Variants in CRYL1 observed in about 807,000 individuals in gnomAD.
The protein encoded by CRYL1 is lambda-crystallin homolog.
CRYL1 carries 29 observed loss-of-function variants against 36.6 expected under a neutral mutation model. The ratio of observed to expected loss-of-function variants is 0.79; its 90% CI spans 0.59 to 1.08. The LOEUF (loss-of-function observed/expected upper bound fraction) is 1.08, where lower values mean the gene tolerates loss of function less well. Among genes scored for constraint, CRYL1 ranks in the 50% least tolerant of loss-of-function variants. The probability of loss-of-function intolerance (pLI) is 0.00; values close to 1 mark genes in which losing one functional copy is unlikely to be tolerated. For synonymous variants in CRYL1, 152 were observed against 151.5 expected, an observed-to-expected ratio of 1.00 and a Z score of -0.02; for missense variants, 411 against 407.9, an observed-to-expected ratio of 1.01 and a Z score of -0.06.
intron 6 of CRYL1, among the ~76,000 whole-genome samples, chr13:20,409,663 A>C (rs2031469299): frequency 6.6e-6 from 1 of 152,092 alleles, no homozygotes; most frequent in South Asian, 2.1e-4. Context: ...CAGAATCTAC[A>C]ATGAACTCAA....
intron 1 of CRYL1, among the ~76,000 whole-genome samples, chr13:20,523,185 G>C (rs140505631): frequency 3.2e-4 from 48 of 152,094 alleles, no homozygotes; most frequent in African/African-American, 1.1e-3. Flanking sequence ...CCAAAGTGCT[G>C]AGATTACAGG....
intron 2 of CRYL1, among the ~76,000 whole-genome samples, chr13:20,508,153 C>T (rs972906893): frequency 6.6e-6 from 1 of 151,618 alleles, no homozygotes; most frequent in Non-Finnish European, 1.5e-5. Flanking sequence ...CAACTGAACC[C>T]AGGAAGTGGA....
intron 3 of CRYL1, among the ~76,000 whole-genome samples, chr13:20,447,976 G>A (rs572313049): frequency 6.6e-5 from 10 of 152,226 alleles, no homozygotes; most frequent in Admixed American, 2.6e-4. Flanking sequence ...ACACACACCC[G>A]AGAAAGTGAT....
intron 1 of CRYL1, among the ~76,000 whole-genome samples, chr13:20,516,878 C>T (rs2034008490): frequency 6.6e-6 from 1 of 151,952 alleles, no homozygotes; most frequent in Admixed American, 6.6e-5. Context: ...TCAAGAAGAG[C>T]CTGGGCAACA....
intron 4 of CRYL1, among the ~76,000 whole-genome samples, chr13:20,436,198 CG>C (rs1230140505): frequency 6.6e-6 from 1 of 152,202 alleles, no homozygotes; most frequent in Non-Finnish European, 1.5e-5. Context: ...CTGCCAGCCG[CG>C]GCCCCCTTCC....
intron 4 of CRYL1, among the ~76,000 whole-genome samples, chr13:20,432,781 G>A (rs1044201874): frequency 1.3e-5 from 2 of 152,160 alleles, no homozygotes; most frequent in African/African-American, 4.8e-5. Flanking sequence ...ACTTTGGGAG[G>A]TCGAGGTGGA....
At chr13:20,445,100 A>G (rs1339117585) in intron 3 of CRYL1, among the ~76,000 whole-genome samples, 2 of 152,232 alleles carry the variant, frequency 1.3e-5, no homozygotes, top group African/African-American at 2.4e-5. Flanking sequence ...TTTAAAGAAG[A>G]AAAATGGAAC....
At chr13:20,489,835 T>C (rs9550655) in intron 2 of CRYL1, among the ~76,000 whole-genome samples, 26,243 of 152,186 alleles carry the variant, frequency 0.17, 2,737 homozygotes, top group Non-Finnish European at 0.24. Flanking sequence ...CAAGAGATTT[T>C]TGTACACCCA....
At chr13:20,469,106 A>G (rs1370147006) in intron 3 of CRYL1, among the ~76,000 whole-genome samples, 1 of 152,210 alleles carries the variant, frequency 6.6e-6, no homozygotes, top group East Asian at 1.9e-4. Flanking sequence ...AGATACGACC[A>G]ACAACTTACT....
At chr13:20,426,844 C>A in intron 5 of CRYL1, 1 of 985,494 alleles carries the variant, frequency 1.0e-6, no homozygotes, top group Non-Finnish European at 1.2e-6. Flanking sequence ...CAGACCACAC[C>A]CACCCTGACA....
intron 2 of CRYL1, among the ~76,000 whole-genome samples, chr13:20,490,455 A>C (rs890309731): frequency 3.3e-5 from 5 of 152,082 alleles, no homozygotes; most frequent in African/African-American, 9.7e-5. Context: ...AGGTTGAGGA[A>C]TGGGGAGTTA....
At chr13:20,509,752 A>T (rs1418923939) in intron 2 of CRYL1, among the ~76,000 whole-genome samples, 1 of 152,084 alleles carries the variant, frequency 6.6e-6, no homozygotes, top group African/African-American at 2.4e-5. Context: ...ATGTGGTGAA[A>T]ACCTATCTCT....
At chr13:20,443,654 A>G (rs892092310) in intron 3 of CRYL1, among the ~76,000 whole-genome samples, 1 of 152,110 alleles carries the variant, frequency 6.6e-6, no homozygotes, top group Non-Finnish European at 1.5e-5. Flanking sequence ...CAGCCTCCCA[A>G]AGTGCTGGGA....
At chr13:20,468,318 C>T (rs982584498) in intron 3 of CRYL1, among the ~76,000 whole-genome samples, 3 of 152,264 alleles carry the variant, frequency 2.0e-5, no homozygotes, top group South Asian at 2.1e-4. Flanking sequence ...TTAGAGACAA[C>T]GTCTCCCTGT....
chr13:20,440,553 T>C (rs1367580166), intron 3 of CRYL1, among the ~76,000 whole-genome samples: 1 of 152,028 alleles, frequency 6.6e-6, no homozygotes, highest in Non-Finnish European at 1.5e-5. Flanking sequence ...GATATGGGGG[T>C]GGATTCTACA....
chr13:20,447,077 T>C (rs1425920689), intron 3 of CRYL1, among the ~76,000 whole-genome samples: 4 of 152,230 alleles, frequency 2.6e-5, no homozygotes, highest in Admixed American at 2.6e-4. Context: ...GAATTACTTC[T>C]GGCACAGGGC....
In CRYL1 at chr13:20,453,237, A is replaced by G. The variant is rs544249189; in HGVS notation, c.277-13483T>C. Among the ~76,000 whole-genome samples, 6 of 152,308 alleles carry G rather than the reference A, an allele frequency of 3.9e-5. No homozygotes were observed. The South Asian group carries it at 1.2e-3, about 32-fold the overall frequency. On this transcript the variant is annotated intron_variant, in intron 3 of 7. Coordinates refer to ENST00000298248, the MANE Select transcript of CRYL1 (RefSeq NM_015974.3). Reference sequence around the variant, plus strand: ...AACAAAACTTAAAAGAATAGAAATCAAACAAAGTATGTTCTCTGGCCATAA... The same window carrying G: ...AACAAAACTTAAAAGAATAGAAATCGAACAAAGTATGTTCTCTGGCCATAA...
chr13:20,483,621 C>T (rs1437541822), intron 3 of CRYL1, among the ~76,000 whole-genome samples: 1 of 152,154 alleles, frequency 6.6e-6, no homozygotes, highest in African/African-American at 2.4e-5. Context: ...CTTACTGCAA[C>T]CTCCACCTCC....
At chr13:20,423,472 A>G (rs929147597) in intron 5 of CRYL1, among the ~76,000 whole-genome samples, 5 of 152,218 alleles carry the variant, frequency 3.3e-5, no homozygotes, top group African/African-American at 1.2e-4. Flanking sequence ...TTATTATAAA[A>G]TGATGCTGAA....
Sources: gnomAD v4.1 joint callset for allele counts (sites outside exome capture counted in the v4.1 genomes callset) on GRCh38, gnomAD v4.1.1 for gene constraint, MANE v1.5 for transcripts, NCBI Gene and HGNC (gene_info 2026-07-23, HGNC 2026-07-21) for gene names.